Variants in DACH2 observed in about 807,000 individuals in gnomAD.
DACH2 encodes the protein dachshund family transcription factor 2.
Under a neutral mutation model 35.8 loss-of-function variants are expected in DACH2, and 17 were observed. The ratio of observed to expected loss-of-function variants is 0.48; its 90% CI spans 0.33 to 0.71. DACH2 has a LOEUF of 0.71. Ranked by LOEUF, DACH2 falls within the 30% of genes least tolerant of loss-of-function variation. DACH2 has a pLI of 0.02. For synonymous variants in DACH2, 195 were observed against 177.3 expected, an observed-to-expected ratio of 1.10 and a Z score of -0.79; for missense variants, 469 against 472.7, an observed-to-expected ratio of 0.99 and a Z score of 0.07.
At chrX:86,198,385 A>C (rs2032051636) in intron 1 of DACH2, among the ~76,000 whole-genome samples, 1 of 111,538 alleles carries the variant, frequency 9.0e-6, no homozygotes, top group Non-Finnish European at 1.9e-5. Context: ...CAAGCCCAGA[A>C]AACCAAATGT....
intron 2 of DACH2, among the ~76,000 whole-genome samples, chrX:86,444,316 C>T (rs1340059524): frequency 9.0e-6 from 1 of 111,228 alleles, no homozygotes; most frequent in Non-Finnish European, 1.9e-5. Flanking sequence ...TCTCAAACTC[C>T]TGGTCTCAAG....
intron 3 of DACH2, among the ~76,000 whole-genome samples, chrX:86,599,516 TTCAAAGAGTC>T (rs1240596471): frequency 9.4e-6 from 1 of 105,885 alleles, no homozygotes; most frequent in African/African-American, 3.5e-5. Context: ...CTTTCTTTCT[TTCAAAGAGTC>T]TCTCTCTGTC....
chrX:86,507,243 G>T (rs1253754894), intron 2 of DACH2, among the ~76,000 whole-genome samples: 1 of 110,929 alleles, frequency 9.0e-6, no homozygotes, highest in Non-Finnish European at 1.9e-5. Context: ...TTTTCTGATT[G>T]CCATTCAAAC....
At chrX:86,561,756 C>A (rs1320794046) in intron 3 of DACH2, among the ~76,000 whole-genome samples, 1 of 47,201 alleles carries the variant, frequency 2.1e-5, no homozygotes, top group Non-Finnish European at 3.7e-5. Flanking sequence ...GTGGTGGGGT[C>A]GGGGGAGGGG....
At chrX:86,626,849 A>AT (rs1422395293) in intron 3 of DACH2, among the ~76,000 whole-genome samples, 10 of 112,640 alleles carry the variant, frequency 8.9e-5, no homozygotes, top group Non-Finnish European at 1.1e-4. Context: ...CCAGGAAACC[A>AT]TTTTAACCTG....
At chrX:86,225,955 C>T (rs1473325685) in intron 1 of DACH2, among the ~76,000 whole-genome samples, 1 of 110,978 alleles carries the variant, frequency 9.0e-6, no homozygotes, top group Non-Finnish European at 1.9e-5. Flanking sequence ...GAACAGGATG[C>T]CAAAGATTTG....
intron 2 of DACH2, among the ~76,000 whole-genome samples, chrX:86,416,819 C>T (rs916443014): frequency 2.7e-5 from 3 of 110,270 alleles, no homozygotes; most frequent in Non-Finnish European, 5.7e-5. Flanking sequence ...CAGGTCTTGG[C>T]CTGGTGTGGT....
chrX:86,486,628 T>C (rs907454428), intron 2 of DACH2, among the ~76,000 whole-genome samples: 2 of 111,570 alleles, frequency 1.8e-5, no homozygotes, highest in Admixed American at 1.9e-4. Flanking sequence ...GAGGGGCTTT[T>C]CTGTTTATTA....
chrX:86,493,892 T>A (rs1430429046), intron 2 of DACH2, among the ~76,000 whole-genome samples: 1 of 112,107 alleles, frequency 8.9e-6, no homozygotes, highest in Non-Finnish European at 1.9e-5. Flanking sequence ...AGAGACCTTT[T>A]CACTTGAACG....
intron 1 of DACH2, among the ~76,000 whole-genome samples, chrX:86,174,066 G>A (rs1466937358): frequency 9.1e-6 from 1 of 109,786 alleles, no homozygotes; most frequent in Non-Finnish European, 1.9e-5. Flanking sequence ...CATTTAGTTG[G>A]GGGGGAAGGT....
chrX:86,424,175 T>C (rs2148161765), intron 2 of DACH2, among the ~76,000 whole-genome samples: 1 of 111,160 alleles, frequency 9.0e-6, no homozygotes, highest in African/African-American at 3.3e-5. Flanking sequence ...TCTGGATCTT[T>C]TGTCATTCTA....
intron 1 of DACH2, among the ~76,000 whole-genome samples, chrX:86,294,659 G>A (rs1322295113): frequency 9.1e-6 from 1 of 110,189 alleles, no homozygotes; most frequent in South Asian, 3.9e-4. Flanking sequence ...GCCCTCATCT[G>A]CAGGTCTGTT....
intron 1 of DACH2, among the ~76,000 whole-genome samples, chrX:86,300,569 G>T (rs1224543994): frequency 2.7e-5 from 3 of 109,876 alleles, no homozygotes; most frequent in African/African-American, 1.0e-4. Context: ...ATAGCATTAG[G>T]AGATATATCT....
At chrX:86,365,011 A>G (rs763241306) in intron 1 of DACH2, among the ~76,000 whole-genome samples, 2 of 111,819 alleles carry the variant, frequency 1.8e-5, no homozygotes, top group South Asian at 7.3e-4. Context: ...AGGTAGAATA[A>G]AACCCACTAG....
At chrX:86,617,412 G>A (rs749141445) in intron 3 of DACH2, among the ~76,000 whole-genome samples, 9 of 111,307 alleles carry the variant, frequency 8.1e-5, no homozygotes, top group South Asian at 3.7e-4. Flanking sequence ...CTACAAGCAC[G>A]AGATGTTTTT....
At chrX:86,317,825 TG>T (rs1057327480) in intron 1 of DACH2, among the ~76,000 whole-genome samples, 2 of 111,154 alleles carry the variant, frequency 1.8e-5, no homozygotes, top group Non-Finnish European at 3.8e-5. Context: ...TCCAAGAGCG[TG>T]GGGTTCCTAG....
At chrX:86,222,338 T>C (rs1332114632) in intron 1 of DACH2, among the ~76,000 whole-genome samples, 1 of 112,057 alleles carries the variant, frequency 8.9e-6, no homozygotes, top group Non-Finnish European at 1.9e-5. Flanking sequence ...TGACCTGTGC[T>C]GTATAAAAGT....
chrX:86,596,318 T>C (rs1174993354), intron 3 of DACH2, among the ~76,000 whole-genome samples: 1 of 111,954 alleles, frequency 8.9e-6, no homozygotes, highest in Non-Finnish European at 1.9e-5. Context: ...TTTTACACAG[T>C]AATTGCATCA....
At chrX:86,808,570 G>A (rs1167834653) in intron 7 of DACH2, among the ~76,000 whole-genome samples, 1 of 107,829 alleles carries the variant, frequency 9.3e-6, no homozygotes, top group Non-Finnish European at 1.9e-5. Flanking sequence ...TCATTTTATT[G>A]TTGTAATTGT....
Sources: allele counts gnomAD v4.1 joint callset (sites outside exome capture counted in the v4.1 genomes callset), GRCh38; gene constraint gnomAD v4.1.1; transcripts MANE v1.5; gene names NCBI Gene and HGNC (gene_info 2026-07-23, HGNC 2026-07-21).